The following CFAP58 variants were observed in gnomAD, a reference collection of about 807,000 sequenced individuals.
The protein encoded by CFAP58 is cilia- and flagella-associated protein 58.
Under a neutral mutation model 119.5 loss-of-function variants are expected in CFAP58, and 88 were observed. The ratio of observed to expected loss-of-function variants is 0.74; its 90% CI spans 0.62 to 0.88. The LOEUF is 0.88. Among genes scored for constraint, CFAP58 ranks in the 40% least tolerant of loss-of-function variants. The pLI is 0.00. For missense variants in CFAP58, 990 were observed against 1,021.2 expected, an observed-to-expected ratio of 0.97 and a Z score of 0.42; for synonymous variants, 365 against 366.3, an observed-to-expected ratio of 1.00 and a Z score of 0.04.
Position 104,400,805 on chromosome 10 carries a change from G to C in CFAP58, c.1941G>C (p.Gln647His). The change falls in exon 13 of 18, where the codon CAG (glutamine) becomes CAC (histidine). Residue 647 changes from glutamine to histidine, a missense_variant. Physicochemically the swap from Gln to His is conservative, Grantham distance 24. Coordinates refer to ENST00000369704, the MANE Select transcript of CFAP58 (RefSeq NM_001008723.2). ...ATAAAGGGGAGAGCCAGTACAACCA[G>C]AGGTTGGAGGACATGAGAATCCTCA... ...VLNKGESQYN[Q>H]RLEDMRILRL... 6.2e-7 allele frequency: 1 copy of C among 1,614,160 alleles called. No individual in the cohort carries two copies.
chr10:104,430,513 C>A (rs912029236), intron 15 of CFAP58, among the ~76,000 whole-genome samples: 1 of 152,162 alleles, frequency 6.6e-6, no homozygotes, highest in African/African-American at 2.4e-5. Flanking sequence ...TTTCCACTTC[C>A]CTAAAATTTT....
intron 15 of CFAP58, among the ~76,000 whole-genome samples, chr10:104,416,036 G>A (rs765413806): frequency 3.3e-5 from 5 of 152,130 alleles, no homozygotes; most frequent in Non-Finnish European, 5.9e-5. Flanking sequence ...GAAATGATGC[G>A]TGCTGTACCT....
At chr10:104,409,257 A>G (rs1228635503) in intron 15 of CFAP58, among the ~76,000 whole-genome samples, 2 of 152,218 alleles carry the variant, frequency 1.3e-5, no homozygotes, top group African/African-American at 2.4e-5. Context: ...GAGATATTTT[A>G]TAATATTTTA....
intron 15 of CFAP58, among the ~76,000 whole-genome samples, chr10:104,429,041 G>A (rs986685753): frequency 4.6e-5 from 7 of 152,170 alleles, no homozygotes; most frequent in African/African-American, 1.7e-4. Flanking sequence ...TGATTTTGTT[G>A]AATTCGTAGC....
intron 7 of CFAP58, among the ~76,000 whole-genome samples, chr10:104,376,523 A>T (rs865853683): frequency 1.4e-5 from 2 of 143,946 alleles, no homozygotes; most frequent in African/African-American, 5.7e-5. Flanking sequence ...AAAAAAAAAG[A>T]AAAAAAAGCA....
Position 104,358,134 on chromosome 10 carries a change from C to CACATATATATGTACTTATATATGT in CFAP58, c.10-201_10-178dup, listed in dbSNP as rs1365848663. ...ACACATATATATGTACTTATATATA[C>CACATATATATGTACTTATATATGT]ACATATATATGTACTTATATATGTA... On this transcript the variant is annotated intron_variant, in intron 1 of 17. Coordinates refer to ENST00000369704, the MANE Select transcript of CFAP58 (RefSeq NM_001008723.2). 2.0e-3 allele frequency among the ~76,000 whole-genome samples: 295 copies of CACATATATATGTACTTATATATGT among 150,376 alleles called. 1 individual carries two copies. Among genetic ancestry groups the CACATATATATGTACTTATATATGT allele is most frequent in the Middle Eastern group, 3.7e-3 (1 of 272 alleles).
At chr10:104,438,537 G>A (rs564354639) in intron 15 of CFAP58, among the ~76,000 whole-genome samples, 2 of 151,800 alleles carry the variant, frequency 1.3e-5, no homozygotes, top group South Asian at 2.1e-4. Context: ...CACAGCGCCC[G>A]GCTAATTTTT....
At chr10:104,346,891 C>T in the CFAP58 span, among the ~76,000 whole-genome samples, 1 of 151,978 alleles carries the variant, frequency 6.6e-6, no homozygotes, top group Non-Finnish European at 1.5e-5. Context: ...CTGCCTCAGC[C>T]TCCCAAAGTG....
In CFAP58 at chr10:104,368,464, G is replaced by C. The variant is rs372296080; in HGVS notation, c.834G>C (p.Gln278His). ...ERAAKELEQF[Q>H]MRNAKLQQEN... Reference sequence around the variant, plus strand: ...CTGCAAAGGAACTCGAGCAATTTCAGATGAGAAATGCTAAACTTCAGCAAG... The same window carrying C: ...CTGCAAAGGAACTCGAGCAATTTCACATGAGAAATGCTAAACTTCAGCAAG... The change falls in exon 6 of 18, where the codon CAG (glutamine) becomes CAC (histidine). Residue 278 changes from glutamine (Q) to histidine (H), a missense_variant. Coordinates refer to ENST00000369704, the MANE Select transcript of CFAP58 (RefSeq NM_001008723.2). 1.9e-6 allele frequency: 3 copies of C among 1,613,942 alleles called. No homozygotes were observed. Among genetic ancestry groups the C allele is most frequent in the Non-Finnish European group, 2.5e-6 (3 of 1,179,886 alleles).
intron 7 of CFAP58, among the ~76,000 whole-genome samples, chr10:104,375,719 C>A (rs1589913768): frequency 1.4e-5 from 2 of 146,614 alleles, no homozygotes; most frequent in African/African-American, 2.6e-5. Flanking sequence ...AGACATCAAT[C>A]GAATACGTTT....
At chr10:104,439,136 C>G (rs2012992473) in intron 15 of CFAP58, among the ~76,000 whole-genome samples, 1 of 152,050 alleles carries the variant, frequency 6.6e-6, no homozygotes, top group Non-Finnish European at 1.5e-5. Context: ...TGGTGCTTAC[C>G]TTGGATGATG....
the CFAP58 span, among the ~76,000 whole-genome samples, chr10:104,338,598 G>T: frequency 6.6e-6 from 1 of 152,238 alleles, no homozygotes; most frequent in African/African-American, 2.4e-5. Flanking sequence ...GACCTTCCCA[G>T]TGAGCCCCCA....
intron 15 of CFAP58, among the ~76,000 whole-genome samples, chr10:104,433,288 A>G (rs1302640343): frequency 2.0e-5 from 3 of 152,154 alleles, no homozygotes; most frequent in African/African-American, 7.2e-5. Flanking sequence ...GAATCTTGCT[A>G]TGTTGTCCAG....
intron 15 of CFAP58, among the ~76,000 whole-genome samples, chr10:104,436,107 T>G (rs898132550): frequency 2.0e-5 from 3 of 152,158 alleles, no homozygotes; most frequent in African/African-American, 7.2e-5. Flanking sequence ...ATTCAGGTCC[T>G]CTCTATGATC....
At chr10:104,428,542 T>C (rs947759682) in intron 15 of CFAP58, among the ~76,000 whole-genome samples, 2 of 152,176 alleles carry the variant, frequency 1.3e-5, no homozygotes, top group Non-Finnish European at 2.9e-5. Context: ...CTGAGTCTAA[T>C]GGAGTGATGC....
At chr10:104,428,194 T>C (rs2012782773) in intron 15 of CFAP58, among the ~76,000 whole-genome samples, 1 of 151,276 alleles carries the variant, frequency 6.6e-6, no homozygotes, top group Non-Finnish European at 1.5e-5. Context: ...CAGGAGGGAG[T>C]AGGTCATCAC....
intron 8 of CFAP58, among the ~76,000 whole-genome samples, chr10:104,377,546 G>A (rs1397301165): frequency 6.6e-6 from 1 of 152,176 alleles, no homozygotes; most frequent in Non-Finnish European, 1.5e-5. Context: ...CAGGGAATTA[G>A]GGTAAATTTT....
the CFAP58 span, among the ~76,000 whole-genome samples, chr10:104,343,022 T>C: frequency 1.3e-5 from 2 of 151,990 alleles, no homozygotes; most frequent in African/African-American, 2.4e-5. Flanking sequence ...ATAAAATGCA[T>C]GACAATGGGA....
chr10:104,449,002 C>T (rs2013152527), intron 16 of CFAP58, among the ~76,000 whole-genome samples: 1 of 152,180 alleles, frequency 6.6e-6, no homozygotes. Flanking sequence ...AGATTTTTTG[C>T]TCAAATGAAA....
Sources: gnomAD v4.1 joint callset for allele counts (sites outside exome capture counted in the v4.1 genomes callset) on GRCh38, gnomAD v4.1.1 for gene constraint, MANE v1.5 for transcripts, NCBI Gene and HGNC (gene_info 2026-07-23, HGNC 2026-07-21) for gene names.